The following HNF1A variants were observed in gnomAD, a reference collection of about 807,000 sequenced individuals.
The protein encoded by HNF1A is hepatocyte nuclear factor 1-alpha.
A neutral mutation model predicts 62.2 loss-of-function variants in HNF1A; 21 were observed. That is an observed-to-expected ratio of 0.34 (90% confidence interval 0.24 to 0.49). HNF1A has a LOEUF of 0.49. Among genes scored for constraint, HNF1A ranks in the 20% least tolerant of loss-of-function variants. The pLI, the probability that HNF1A is intolerant of heterozygous loss-of-function variation, is 0.99. For synonymous variants in HNF1A, 374 were observed against 366.8 expected, an observed-to-expected ratio of 1.02 and a Z score of -0.22; for missense variants, 687 against 832.3, an observed-to-expected ratio of 0.83 and a Z score of 2.15.
intron 2 of HNF1A, among the ~76,000 whole-genome samples, chr12:120,990,227 C>T (rs1314064931): frequency 4.6e-5 from 7 of 152,092 alleles, no homozygotes; most frequent in South Asian, 2.1e-4. Flanking sequence ...CTGCAAGCTC[C>T]GCCTTCCGGG....
chr12:120,978,708 G>A lies in HNF1A; in HGVS notation c.-61G>A, dbSNP rs778674831. 44 of 1,521,338 alleles carry A rather than the reference G, an allele frequency of 2.9e-5. No homozygotes were observed. The highest frequency in any genetic ancestry group is 6.8e-5 in the African/African-American group (5 of 73,102). The allele number at this position is 1,521,338 out of a possible 1,614,324, so 94.2% of individuals were successfully genotyped here. ...CGGCCGGCAGGCAAACGCAACCCAC[G>A]CGGTGGGGGAGGCGGCTAGCGTGGT... On this transcript the variant is annotated 5_prime_UTR_variant, in exon 1 of 10. Transcript: ENST00000257555.
intron 1 of HNF1A, among the ~76,000 whole-genome samples, chr12:120,981,156 G>T (rs1456052473): frequency 1.3e-5 from 2 of 151,804 alleles, no homozygotes; most frequent in African/African-American, 4.8e-5. Flanking sequence ...AAGGAGCCAG[G>T]GAGAGAGGGG....
At chr12:120,984,343 TGAGA>T (rs1555210849) in intron 1 of HNF1A, among the ~76,000 whole-genome samples, 4 of 149,300 alleles carry the variant, frequency 2.7e-5, no homozygotes, top group Non-Finnish European at 5.9e-5. Context: ...AGAATGAGAA[TGAGA>T]GAGAGAGAGA....
At chr12:120,983,916 C>CTGTGTGTGTGTGTGTGTG (rs61680384) in intron 1 of HNF1A, among the ~76,000 whole-genome samples, 9,819 of 137,016 alleles carry the variant, frequency 0.072, 415 homozygotes, top group African/African-American at 0.12. Context: ...CTTGAAGACT[C>CTGTGTGTGTGTGTGTGTG]TGTGTGTGTG....
rs1368844826 is a variant in HNF1A, at chr12:121,002,104, T to C, written c.*912T>C. On this transcript the variant is annotated 3_prime_UTR_variant, in exon 10 of 10. Coordinates refer to ENST00000257555, the MANE Select transcript of HNF1A (RefSeq NM_000545.8). ...TTGTTTGGGGCAGGAGTAGCTGAGC[T>C]CACAAGGCAGCAAGGCCCGAGCAGC... The C allele has an allele frequency of 7.5e-6, 4 of 533,292 alleles. No individual in the cohort carries two copies. The highest frequency in any genetic ancestry group is 1.5e-5 in the Non-Finnish European group (4 of 275,174). The allele number at this position is 533,292 out of a possible 1,614,324, so 33.0% of individuals were successfully genotyped here.
intron 6 of HNF1A, 36 bp from the exon 7 acceptor site, chr12:120,997,436 CTG>C: frequency 6.4e-7 from 1 of 1,570,978 alleles, no homozygotes; most frequent in Middle Eastern, 2.3e-4. Context: ...TGGGATATAA[CTG>C]GGGGGCCCAG....
At chr12:120,997,073 G>T in intron 6 of HNF1A, 4 of 1,409,272 alleles carry the variant, frequency 2.8e-6, no homozygotes, top group Non-Finnish European at 3.7e-6. Context: ...GAAAAATTAA[G>T]CCCAGAAAGC....
chr12:120,997,106 G>T (rs1877148886), intron 6 of HNF1A: 2 of 1,403,494 alleles, frequency 1.4e-6, no homozygotes, highest in South Asian at 3.0e-5. Flanking sequence ...GTACAATTAT[G>T]CAGAAGCCCA....
Position 121,002,425 on chromosome 12 carries a change from C to T in HNF1A, c.*1233C>T, listed in dbSNP as rs1877563063. 1.9e-6 allele frequency: 1 copy of T among 531,590 alleles called. No individual in the cohort carries two copies. The allele number at this position is 531,590 out of a possible 1,614,324, so 32.9% of individuals were successfully genotyped here. A position where few individuals can be genotyped will look rare whatever the true frequency, so the allele number is the denominator to read the frequency against. ...GGATTCAGGAAAAGGCCTGGGGTGA[C>T]CCGGCACCCCCTGCAGCTTGTAGCC... On this transcript the variant is annotated 3_prime_UTR_variant, in exon 10 of 10. Coordinates refer to ENST00000257555, the MANE Select transcript of HNF1A (RefSeq NM_000545.8).
intron 1 of HNF1A, 31 bp downstream of exon 1, chr12:120,979,125 G>T: frequency 6.3e-7 from 1 of 1,577,496 alleles, no homozygotes; most frequent in Non-Finnish European, 8.6e-7. Context: ...CCCGCTCCCA[G>T]GAGAGCCTAG....
chr12:120,980,138 T>C (rs1024770798), intron 1 of HNF1A, among the ~76,000 whole-genome samples: 165 of 152,310 alleles, frequency 1.1e-3, no homozygotes, highest in African/African-American at 3.5e-3. Context: ...GGGCAGAAGC[T>C]ATTGGTGACT....
chr12:121,000,542 G>T, intron 9 of HNF1A: 1 of 201,444 alleles, frequency 5.0e-6, no homozygotes, highest in Non-Finnish European at 1.0e-5. Context: ...CGTGTCTGCG[G>T]GGGGCTGGCA....
intron 6 of HNF1A, 81 bp from the exon 7 acceptor site, chr12:120,997,393 G>C: frequency 9.0e-6 from 13 of 1,449,210 alleles, no homozygotes; most frequent in Non-Finnish European, 1.2e-5. Context: ...CTGGGAAGGA[G>C]AGGTGGTGCC....
In HNF1A at chr12:120,997,297, A is replaced by G. The variant is rs1877159739; in HGVS notation, c.1310-177A>G. 4 of 1,395,062 alleles carry G rather than the reference A, an allele frequency of 2.9e-6. No individual in the cohort carries two copies. In the East Asian group the frequency reaches 1.0e-4, roughly 35 times the overall value. 86.4% of individuals were successfully genotyped at this position (1,395,062 alleles called of 1,614,324 possible). ...GCTAAAGGCTCAGAGAGGGGGAATG[A>G]CTTGCCAGAGCCACTTAAATTAGTG... On this transcript the variant is annotated intron_variant, in intron 6 of 9. Transcript: ENST00000257555.
intron 1 of HNF1A, among the ~76,000 whole-genome samples, chr12:120,983,263 A>G (rs1876342406): frequency 6.6e-6 from 1 of 152,204 alleles, no homozygotes; most frequent in African/African-American, 2.4e-5. Flanking sequence ...TGTTAAGATG[A>G]TGATGATGAC....
chr12:120,987,995 A>G (rs1358927340), intron 1 of HNF1A, among the ~76,000 whole-genome samples: 1 of 151,908 alleles, frequency 6.6e-6, no homozygotes, highest in Non-Finnish European at 1.5e-5. Flanking sequence ...TCGTCCATCC[A>G]TCCATCATCC....
intron 2 of HNF1A, among the ~76,000 whole-genome samples, chr12:120,993,300 GGATT>G (rs2135838478): frequency 6.6e-6 from 1 of 152,302 alleles, no homozygotes; most frequent in Non-Finnish European, 1.5e-5. Flanking sequence ...AAGCATTCAG[GGATT>G]GATTAGTGAT....
At chr12:120,993,271 A>G (rs953787001) in intron 2 of HNF1A, among the ~76,000 whole-genome samples, 3 of 152,222 alleles carry the variant, frequency 2.0e-5, no homozygotes, top group Non-Finnish European at 4.4e-5. Context: ...TGGTGAGATC[A>G]TATCTTGGGT....
In HNF1A at chr12:120,999,614, C is replaced by T. The variant is rs1442332272; in HGVS notation, c.1755C>T (p.Ser585=). 28 of 1,610,424 alleles carry T rather than the reference C, an allele frequency of 1.7e-5. No homozygotes were observed. The highest frequency in any genetic ancestry group is 6.7e-5 in the East Asian group (3 of 44,874). ...ACCTGCAGCCGGCCCACCGGCTCAG[C>T]GCCAGCCCCACAGGTGAGAGGCCCT... The part of the protein sequence containing the change: ...IQHLQPAHRL[S]ASPTVSSSSL... The change falls in exon 9 of 10, where the codon AGC becomes AGT. Residue 585 remains serine, a synonymous_variant. Coordinates refer to ENST00000257555, the MANE Select transcript of HNF1A (RefSeq NM_000545.8).
Sources: allele counts gnomAD v4.1 joint callset (sites outside exome capture counted in the v4.1 genomes callset), GRCh38; gene constraint gnomAD v4.1.1; transcripts MANE v1.5; gene names NCBI Gene and HGNC (gene_info 2026-07-23, HGNC 2026-07-21).